The following KLF12 variants were observed in gnomAD, a reference collection of about 807,000 sequenced individuals.
KLF12 encodes KLF transcription factor 12.
Under a neutral mutation model 37.8 loss-of-function variants are expected in KLF12, and 9 were observed. The observed-to-expected ratio is 0.24, with a 90% CI of 0.14 to 0.42. The LOEUF is 0.42. KLF12 is among the 10% of genes least tolerant of loss of function. KLF12 has a pLI of 1.00. For synonymous variants in KLF12, 208 were observed against 202.1 expected (o/e 1.03, Z -0.25); for missense variants, 411 against 516.0 (o/e 0.80, Z 1.97).
At chr13:73,770,751 G>A (rs531182256) in intron 5 of KLF12, among the ~76,000 whole-genome samples, 1 of 151,876 alleles carries the variant, frequency 6.6e-6, no homozygotes, top group African/African-American at 2.4e-5. Context: ...TCCAACTCCT[G>A]AACTCAAATG....
chr13:73,879,666 A>C (rs1208723692), intron 3 of KLF12, among the ~76,000 whole-genome samples: 1 of 152,180 alleles, frequency 6.6e-6, no homozygotes, highest in African/African-American at 2.4e-5. Flanking sequence ...AAAAACAATG[A>C]CTTAATTACT....
At chr13:74,295,848 A>G in the KLF12 span, among the ~76,000 whole-genome samples, 1 of 152,022 alleles carries the variant, frequency 6.6e-6, no homozygotes, top group South Asian at 2.1e-4. Context: ...GGGTCTCACT[A>G]TGTCGCCCAG....
At chr13:73,701,742 G>A (rs973362640) in intron 7 of KLF12, among the ~76,000 whole-genome samples, 3 of 152,094 alleles carry the variant, frequency 2.0e-5, no homozygotes, top group African/African-American at 4.8e-5. Flanking sequence ...CCATGCCAGT[G>A]CTTGGTGTAT....
chr13:73,760,184 T>C (rs1373051679), intron 6 of KLF12, among the ~76,000 whole-genome samples: 9 of 152,128 alleles, frequency 5.9e-5, no homozygotes, highest in Admixed American at 5.9e-4. Context: ...TCATTAACAC[T>C]GGAGACTTTT....
chr13:73,986,947 T>C (rs1404877918), intron 2 of KLF12, among the ~76,000 whole-genome samples: 4 of 152,046 alleles, frequency 2.6e-5, no homozygotes, highest in Non-Finnish European at 5.9e-5. Context: ...TGTTTTTTTT[T>C]CAAAACCACT....
At chr13:73,966,611 A>C (rs930967421) in intron 2 of KLF12, among the ~76,000 whole-genome samples, 1 of 152,192 alleles carries the variant, frequency 6.6e-6, no homozygotes, top group Non-Finnish European at 1.5e-5. Flanking sequence ...ATGTGCAAAA[A>C]GACTCAGCCA....
At chr13:73,877,439 G>A (rs951680512) in intron 3 of KLF12, among the ~76,000 whole-genome samples, 2 of 152,014 alleles carry the variant, frequency 1.3e-5, no homozygotes, top group Non-Finnish European at 2.9e-5. Flanking sequence ...TTTCCTTTTA[G>A]TCTCTCAGTT....
chr13:73,833,531 G>A (rs1450708614), intron 4 of KLF12, among the ~76,000 whole-genome samples: 1 of 152,194 alleles, frequency 6.6e-6, no homozygotes. Context: ...AGTGTTTATT[G>A]TGTGCCAGAT....
the KLF12 span, among the ~76,000 whole-genome samples, chr13:74,240,246 T>G: frequency 8.8e-5 from 13 of 148,206 alleles, no homozygotes; most frequent in East Asian, 2.2e-3. Context: ...GAAAATTCTT[T>G]TCTTTAAGAA....
the KLF12 span, among the ~76,000 whole-genome samples, chr13:74,216,015 A>T: frequency 2.6e-5 from 4 of 152,302 alleles, no homozygotes; most frequent in East Asian, 5.8e-4. Context: ...GCTTTCAGGA[A>T]TGAACACAAG....
chr13:73,737,331 T>C (rs950187427), intron 6 of KLF12, among the ~76,000 whole-genome samples: 1 of 152,228 alleles, frequency 6.6e-6, no homozygotes, highest in African/African-American at 2.4e-5. Context: ...TCTTCAAATT[T>C]ACTTCACTAG....
chr13:73,971,025 A>G (rs1331259078), intron 2 of KLF12, among the ~76,000 whole-genome samples: 3 of 152,206 alleles, frequency 2.0e-5, no homozygotes, highest in African/African-American at 7.2e-5. Flanking sequence ...AGTAGTTTTC[A>G]AAGTTAAATT....
At chr13:74,276,037 T>G in the KLF12 span, among the ~76,000 whole-genome samples, 1 of 151,652 alleles carries the variant, frequency 6.6e-6, no homozygotes, top group African/African-American at 2.4e-5. Flanking sequence ...GGCATACATA[T>G]GCCGTGGTGG....
chr13:73,922,712 G>C (rs1168935053), intron 3 of KLF12, among the ~76,000 whole-genome samples: 1 of 152,164 alleles, frequency 6.6e-6, no homozygotes, highest in Non-Finnish European at 1.5e-5. Context: ...CACTGACTGG[G>C]AGCACACTTT....
the KLF12 span, among the ~76,000 whole-genome samples, chr13:74,275,819 T>TTTC: frequency 1.9e-5 from 2 of 107,092 alleles, no homozygotes; most frequent in Non-Finnish European, 3.8e-5. Flanking sequence ...TCTTTCTTTC[T>TTTC]TTCTTTCTTT....
intron 6 of KLF12, among the ~76,000 whole-genome samples, chr13:73,740,188 A>G (rs1877866610): frequency 6.6e-6 from 1 of 152,192 alleles, no homozygotes; most frequent in Non-Finnish European, 1.5e-5. Context: ...ATAGGGGTGG[A>G]GCCCTCATGA....
chr13:73,886,632 T>G (rs1431732884), intron 3 of KLF12, among the ~76,000 whole-genome samples: 2 of 151,946 alleles, frequency 1.3e-5, no homozygotes, highest in African/African-American at 4.8e-5. Flanking sequence ...ACTTAAAAGT[T>G]GATGAAAAGA....
the KLF12 span, among the ~76,000 whole-genome samples, chr13:74,207,419 T>C: frequency 6.6e-6 from 1 of 152,208 alleles, no homozygotes; most frequent in Non-Finnish European, 1.5e-5. Flanking sequence ...CTCATGCCTG[T>C]AATCCCAGCA....
the KLF12 span, among the ~76,000 whole-genome samples, chr13:74,241,963 C>T: frequency 6.6e-6 from 1 of 152,142 alleles, no homozygotes; most frequent in African/African-American, 2.4e-5. Flanking sequence ...CATCTTGGCT[C>T]CTCCCCCCAG....
Sources: allele counts gnomAD v4.1 joint callset (sites outside exome capture counted in the v4.1 genomes callset), GRCh38; gene constraint gnomAD v4.1.1; transcripts MANE v1.5; gene names NCBI Gene and HGNC (gene_info 2026-07-23, HGNC 2026-07-21).